PLCB4: variants seen among roughly 807,000 people sequenced by gnomAD.
PLCB4 encodes the protein 1-phosphatidylinositol 4,5-bisphosphate phosphodiesterase beta-4.
Under a neutral mutation model 178.8 loss-of-function variants are expected in PLCB4, and 77 were observed. The observed-to-expected ratio is 0.43, with a 90% CI of 0.36 to 0.52. The LOEUF is 0.52. Among genes scored for constraint, PLCB4 ranks in the 20% least tolerant of loss-of-function variants. The probability of loss-of-function intolerance (pLI) is 0.00; values close to 1 mark genes in which losing one functional copy is unlikely to be tolerated. For missense variants in PLCB4, 1,024 were observed against 1,453.4 expected, an observed-to-expected ratio of 0.70 and a Z score of 4.80; for synonymous variants, 496 against 490.8, an observed-to-expected ratio of 1.01 and a Z score of -0.14.
rs58879786 is a variant in PLCB4 at position 9,373,850 on chromosome 20, A to C, written c.744+746A>C. ...TACTTTTTTCTTCACACATACAAAA[A>C]AAGTTTTCCCTTCAGTGAAACCCAT... On this transcript the variant is annotated intron_variant, in intron 12 of 39. Coordinates refer to ENST00000378473, the MANE Select transcript of PLCB4 (RefSeq NM_001377142.1). Among the ~76,000 whole-genome samples, 955 of 152,342 alleles carry C rather than the reference A, an allele frequency of 6.3e-3. 13 individuals are homozygous for C. The highest frequency in any genetic ancestry group is 0.022 in the African/African-American group (903 of 41,578).
At chr20:9,246,967 A>G (rs1055284053) in intron 3 of PLCB4, among the ~76,000 whole-genome samples, 23 of 152,206 alleles carry the variant, frequency 1.5e-4, no homozygotes, top group African/African-American at 3.1e-4. Flanking sequence ...GAATTGCAAT[A>G]TAGTAACTGT....
chr20:9,405,839 A>G (rs905816139), intron 21 of PLCB4, among the ~76,000 whole-genome samples: 2 of 152,180 alleles, frequency 1.3e-5, no homozygotes, highest in African/African-American at 4.8e-5. Flanking sequence ...GTAAGTATTT[A>G]TGGTTTATCC....
intron 3 of PLCB4, among the ~76,000 whole-genome samples, chr20:9,297,351 A>G (rs948224857): frequency 6.6e-6 from 1 of 151,878 alleles, no homozygotes; most frequent in Non-Finnish European, 1.5e-5. Context: ...AATATGGTGG[A>G]CTCTGGGGAC....
intron 3 of PLCB4, among the ~76,000 whole-genome samples, chr20:9,243,715 T>A (rs1192065436): frequency 6.6e-6 from 1 of 152,128 alleles, no homozygotes; most frequent in Non-Finnish European, 1.5e-5. Flanking sequence ...AAAGCAGAGG[T>A]GTTAATAGGA....
chr20:9,397,487 C>A (rs1359546055), intron 19 of PLCB4, among the ~76,000 whole-genome samples: 1 of 152,160 alleles, frequency 6.6e-6, no homozygotes. Context: ...TGGTGAACAT[C>A]AGAAGCTTTT....
intron 3 of PLCB4, among the ~76,000 whole-genome samples, chr20:9,264,710 A>C (rs1017250387): frequency 6.6e-6 from 1 of 152,210 alleles, no homozygotes; most frequent in African/African-American, 2.4e-5. Flanking sequence ...AAATCTTTGA[A>C]GTACTGTTTC....
chr20:9,072,021 T>A (rs1473942023), intron 1 of PLCB4, among the ~76,000 whole-genome samples: 1 of 152,228 alleles, frequency 6.6e-6, no homozygotes, highest in East Asian at 1.9e-4. Flanking sequence ...TCACAGTTGG[T>A]ATTTTATGTC....
chr20:9,209,438 C>A (rs138057367), intron 2 of PLCB4, among the ~76,000 whole-genome samples: 8 of 151,098 alleles, frequency 5.3e-5, no homozygotes, highest in Non-Finnish European at 1.2e-4. Context: ...GTGACTATGA[C>A]GGGATGTCAC....
intron 1 of PLCB4, among the ~76,000 whole-genome samples, chr20:9,086,571 C>T (rs1320525551): frequency 1.3e-5 from 2 of 152,128 alleles, no homozygotes; most frequent in East Asian, 3.9e-4. Context: ...TTGTTCAGGG[C>T]CACATAACTA....
intron 8 of PLCB4, among the ~76,000 whole-genome samples, chr20:9,365,030 A>G (rs769965647): frequency 6.6e-6 from 1 of 152,206 alleles, no homozygotes; most frequent in Admixed American, 6.5e-5. Flanking sequence ...CCACCTTAAT[A>G]TATTATTACA....
intron 4 of PLCB4, among the ~76,000 whole-genome samples, chr20:9,324,504 T>C (rs1456871096): frequency 1.3e-5 from 2 of 152,064 alleles, no homozygotes; most frequent in African/African-American, 2.4e-5. Flanking sequence ...GTGGGGGAAA[T>C]AATATGAAAA....
intron 3 of PLCB4, among the ~76,000 whole-genome samples, chr20:9,226,831 G>A (rs1288478158): frequency 2.6e-5 from 4 of 152,050 alleles, no homozygotes; most frequent in African/African-American, 4.8e-5. Flanking sequence ...CTCATTTTGG[G>A]ACCCTTTTCC....
intron 30 of PLCB4, among the ~76,000 whole-genome samples, chr20:9,438,283 G>A (rs923553286): frequency 1.4e-4 from 21 of 151,830 alleles, no homozygotes; most frequent in African/African-American, 4.6e-4. Context: ...GGAGAATGGC[G>A]TGAGCCCGGG....
At chr20:9,088,185 T>C (rs1271592914) in intron 1 of PLCB4, among the ~76,000 whole-genome samples, 32 of 107,914 alleles carry the variant, frequency 3.0e-4, no homozygotes, top group South Asian at 6.3e-4. Flanking sequence ...TTTCTTTTTT[T>C]TTTTTTTTTT....
chr20:9,152,519 T>C (rs2092708655), intron 2 of PLCB4, among the ~76,000 whole-genome samples: 1 of 152,154 alleles, frequency 6.6e-6, no homozygotes, highest in Non-Finnish European at 1.5e-5. Flanking sequence ...GCAGCTTCCA[T>C]GTTGTGTTGA....
chr20:9,309,219 C>T (rs6140915), intron 4 of PLCB4, among the ~76,000 whole-genome samples: 4,425 of 152,196 alleles, frequency 0.029, 212 homozygotes, highest in East Asian at 0.18. Flanking sequence ...CAACATACAG[C>T]GTATGTTCAA....
intron 4 of PLCB4, among the ~76,000 whole-genome samples, chr20:9,325,078 T>A (rs1289169896): frequency 6.6e-6 from 1 of 152,252 alleles, no homozygotes; most frequent in Non-Finnish European, 1.5e-5. Flanking sequence ...TTGCTCAGTG[T>A]AATTTATTAT....
rs1281509172 is a variant in PLCB4, at chr20:9,098,813, G to A, written c.-79+2471G>A. Among the ~76,000 whole-genome samples, 3 of 142,982 alleles carry A rather than the reference G, an allele frequency of 2.1e-5. No homozygotes were observed. In the East Asian group the frequency reaches 6.6e-4, roughly 32 times the overall value. 93.8% of individuals were successfully genotyped at this position (142,982 alleles called of 152,430 possible). A position where few individuals can be genotyped will look rare whatever the true frequency, so the allele number is the denominator to read the frequency against. On this transcript the variant is annotated intron_variant, in intron 2 of 39. Transcript: ENST00000378473. ...ACATGAGACATCCTTGGAATTAATTGCCACATACTCCAGGTCTTTTACAAT... is the reference window on the plus strand; with the variant it reads ...ACATGAGACATCCTTGGAATTAATTACCACATACTCCAGGTCTTTTACAAT...
intron 2 of PLCB4, among the ~76,000 whole-genome samples, chr20:9,162,151 C>A (rs1012244617): frequency 2.6e-5 from 4 of 152,096 alleles, no homozygotes; most frequent in African/African-American, 7.2e-5. Flanking sequence ...GAATGTCATA[C>A]CCTGCTTTAA....
Sources: allele counts gnomAD v4.1 joint callset (sites outside exome capture counted in the v4.1 genomes callset), GRCh38; gene constraint gnomAD v4.1.1; transcripts MANE v1.5; gene names NCBI Gene and HGNC (gene_info 2026-07-23, HGNC 2026-07-21).